The following LARS2 variants were observed in gnomAD, a reference collection of about 807,000 sequenced individuals.
The protein encoded by LARS2 is leucine--tRNA ligase, mitochondrial.
A neutral mutation model predicts 116.6 loss-of-function variants in LARS2; 81 were observed. That is an observed-to-expected ratio of 0.69 (90% CI 0.58 to 0.84). The LOEUF (loss-of-function observed/expected upper bound fraction) is 0.84. LARS2 is among the 40% of genes least tolerant of loss of function. LARS2 has a pLI of 0.00. For missense variants in LARS2, 968 were observed against 1,114.5 expected, an observed-to-expected ratio of 0.87 and a Z score of 1.87; for synonymous variants, 396 against 407.2, an observed-to-expected ratio of 0.97 and a Z score of 0.33.
intron 6 of LARS2, among the ~76,000 whole-genome samples, chr3:45,446,295 T>TA (rs973205582): frequency 6.6e-6 from 1 of 152,240 alleles, no homozygotes; most frequent in Non-Finnish European, 1.5e-5. Context: ...ACCTTTGATT[T>TA]AGGCTTGGAA....
rs890315027 is a variant in LARS2, at chr3:45,410,420, A to T, written c.364-7062A>T. Among the ~76,000 whole-genome samples the T allele has an allele frequency of 2.6e-5, 4 of 152,268 alleles. No homozygotes were observed. The East Asian group carries it at 7.7e-4, about 29-fold the overall frequency. On this transcript the variant is annotated intron_variant, in intron 4 of 21. Transcript: ENST00000645846. ...TCATCTATGGATCAAGCAATATTCA[A>T]GTGAAAATTGTAGCCTAAACAGTGT...
At chr3:45,450,841 T>C (rs1333315577) in intron 7 of LARS2, among the ~76,000 whole-genome samples, 1 of 152,242 alleles carries the variant, frequency 6.6e-6, no homozygotes, top group Non-Finnish European at 1.5e-5. Flanking sequence ...CTCCATATTC[T>C]CACCAGCATC....
intron 4 of LARS2, among the ~76,000 whole-genome samples, chr3:45,400,578 G>C (rs1481712059): frequency 6.6e-6 from 1 of 152,232 alleles, no homozygotes; most frequent in Non-Finnish European, 1.5e-5. Flanking sequence ...GGGCAGCCAT[G>C]AGTTGGGTGT....
At chr3:45,433,787 T>A (rs1204412192) in intron 6 of LARS2, among the ~76,000 whole-genome samples, 1 of 152,174 alleles carries the variant, frequency 6.6e-6, no homozygotes, top group Admixed American at 6.5e-5. Context: ...TAGACCTGCT[T>A]AATGACAAAT....
intron 8 of LARS2, among the ~76,000 whole-genome samples, chr3:45,466,672 G>A (rs933762536): frequency 2.0e-5 from 3 of 151,850 alleles, no homozygotes; most frequent in African/African-American, 7.3e-5. Flanking sequence ...AGCAGGGAAG[G>A]GCCAGAACCC....
chr3:45,390,684 G>A (rs1697926871), intron 1 of LARS2, among the ~76,000 whole-genome samples: 1 of 144,598 alleles, frequency 6.9e-6, no homozygotes, highest in African/African-American at 2.6e-5. Flanking sequence ...ACGGAGTCTC[G>A]CTCTGTCACC....
intron 6 of LARS2, chr3:45,422,251 G>T (rs1698525904): frequency 2.0e-5 from 3 of 152,102 alleles, no homozygotes; most frequent in Non-Finnish European, 2.9e-5. Flanking sequence ...GTTTGAATTT[G>T]AACAGGGTAT....
At chr3:45,491,417 T>C (rs990742341) in intron 12 of LARS2, 100 bp from the exon 13 acceptor site, 50 of 1,335,066 alleles carry the variant, frequency 3.7e-5, no homozygotes, top group Non-Finnish European at 5.1e-5. Flanking sequence ...ACTGGTCCCT[T>C]GGGAGAGCCA....
intron 18 of LARS2, among the ~76,000 whole-genome samples, chr3:45,519,490 CAA>C (rs373279726): frequency 2.8e-5 from 3 of 105,868 alleles, no homozygotes; most frequent in Admixed American, 1.0e-4. Flanking sequence ...GTCTCCGTCT[CAA>C]AAAAAAAAAA....
In LARS2 at chr3:45,516,263, G is replaced by C; in HGVS notation, c.2031G>C (p.Leu677Phe). ...LFAAPPEKDILWDVKTDALPG... is the reference protein window; with the variant it reads ...LFAAPPEKDIFWDVKTDALPG... The stretch of plus-strand genomic sequence containing the variant: ...CTGCCCCTCCTGAGAAGGATATCTT[G>C]TGGGATGTGAAAAGTAAGTCACCTT... Residue 677 changes from leucine (L) to phenylalanine (F), a missense_variant, in exon 17 of 22, where the codon TTG (leucine) becomes TTC (phenylalanine). Transcript: ENST00000645846. The C allele has an allele frequency of 6.2e-7, 1 of 1,613,302 alleles. No individual in the cohort carries two copies. Among genetic ancestry groups the C allele is most frequent in the South Asian group, 1.1e-5 (1 of 90,890 alleles).
chr3:45,447,191 G>A (rs1171338147), intron 7 of LARS2, among the ~76,000 whole-genome samples: 3 of 152,114 alleles, frequency 2.0e-5, no homozygotes, highest in African/African-American at 7.2e-5. Flanking sequence ...CTATTGTCTG[G>A]TTCCTGTAAT....
chr3:45,505,898 A>G (rs560032885), intron 15 of LARS2, among the ~76,000 whole-genome samples: 1 of 152,166 alleles, frequency 6.6e-6, no homozygotes, highest in South Asian at 2.1e-4. Context: ...TATTTACAAT[A>G]GTTTAAGACT....
At chr3:45,545,958 A>T (rs1700869089) in intron 21 of LARS2, among the ~76,000 whole-genome samples, 1 of 151,060 alleles carries the variant, frequency 6.6e-6, no homozygotes, top group Non-Finnish European at 1.5e-5. Context: ...TCTGTCCTTA[A>T]GGAAAAAAAA....
intron 6 of LARS2, among the ~76,000 whole-genome samples, chr3:45,442,577 A>C (rs1257653324): frequency 6.6e-6 from 1 of 152,204 alleles, no homozygotes; most frequent in Non-Finnish European, 1.5e-5. Context: ...TTATGCACAC[A>C]TAATAGAGTT....
At chr3:45,533,168 T>TTTTTTTA (rs1700644906) in intron 20 of LARS2, among the ~76,000 whole-genome samples, 1 of 118,906 alleles carries the variant, frequency 8.4e-6, no homozygotes, top group African/African-American at 2.8e-5. Context: ...TTTTTTTTTT[T>TTTTTTTA]GAGATGGAGT....
intron 21 of LARS2, among the ~76,000 whole-genome samples, chr3:45,543,847 G>A (rs1166632978): frequency 6.6e-6 from 1 of 152,160 alleles, no homozygotes; most frequent in Non-Finnish European, 1.5e-5. Flanking sequence ...CCTCAGCCCG[G>A]TTGAGAAATG....
intron 15 of LARS2, chr3:45,507,049 C>T (rs1003896163): frequency 6.6e-6 from 1 of 151,910 alleles, no homozygotes; most frequent in African/African-American, 2.4e-5. Context: ...AGAAGATATC[C>T]AAATGATTAA....
At position 45,458,824 on chromosome 3, in the gene LARS2, G is replaced by A. The variant is rs1559475853; in HGVS notation, c.688G>A (p.Gly230Arg). Residue 230 changes from glycine to arginine, a missense_variant, in exon 8 of 22, where the codon GGA (glycine) becomes AGA (arginine). By Grantham distance (125) the Gly-to-Arg change is moderately radical. Coordinates refer to ENST00000645846, the MANE Select transcript of LARS2 (RefSeq NM_015340.4). ...TGAACATGGCTGTTCATGGCGTTCT[G>A]GAGCAAAGGTGGAACAGAAGTACCT... ...VDEHGCSWRS[G>R]AKVEQKYLRQ... The A allele has an allele frequency of 3.7e-6, 6 of 1,614,134 alleles. No individual in the cohort carries two copies. Among genetic ancestry groups the A allele is most frequent in the Middle Eastern group, 1.7e-4 (1 of 6,060 alleles).
At chr3:45,418,983 A>C (rs1698475089) in intron 5 of LARS2, among the ~76,000 whole-genome samples, 1 of 152,264 alleles carries the variant, frequency 6.6e-6, no homozygotes, top group African/African-American at 2.4e-5. Flanking sequence ...TCTTGCATTA[A>C]ATAAGCTGCC....
Sources: gnomAD v4.1 joint callset for allele counts (sites outside exome capture counted in the v4.1 genomes callset) on GRCh38, gnomAD v4.1.1 for gene constraint, MANE v1.5 for transcripts, NCBI Gene and HGNC (gene_info 2026-07-23, HGNC 2026-07-21) for gene names.